Variants in BRAF observed in about 807,000 individuals in gnomAD.
The protein encoded by BRAF is serine/threonine-protein kinase B-raf.
In BRAF, 16 loss-of-function variants were observed where a neutral mutation model predicts 104.6. The ratio of observed to expected loss-of-function variants is 0.15; its 90% CI spans 0.10 to 0.23. The LOEUF (loss-of-function observed/expected upper bound fraction) is 0.23. BRAF is among the 10% of genes least tolerant of loss of function. The pLI, the probability that BRAF is intolerant of heterozygous loss-of-function variation, is 1.00. For synonymous variants in BRAF, 310 were observed against 341.6 expected (o/e 0.91, Z 1.02); for missense variants, 541 against 937.3 (o/e 0.58, Z 5.52).
chr7:140,915,747 T>C (rs1817556637), intron 1 of BRAF, among the ~76,000 whole-genome samples: 3 of 151,896 alleles, frequency 2.0e-5, no homozygotes, highest in Admixed American at 2.0e-4. Flanking sequence ...AATTAAAGTA[T>C]CTTTTAAAGA....
chr7:140,719,118 G>A (rs915340302), downstream of BRAF, among the ~76,000 whole-genome samples: 3 of 152,150 alleles, frequency 2.0e-5, no homozygotes, highest in East Asian at 1.9e-4. Context: ...CCTGACAAAC[G>A]ACTGTTGCCA....
intron 1 of BRAF, among the ~76,000 whole-genome samples, chr7:140,884,426 G>GTGT (rs1563015894): frequency 9.6e-6 from 1 of 104,578 alleles, no homozygotes; most frequent in African/African-American, 3.5e-5. Flanking sequence ...ATATATATAA[G>GTGT]ATATGTGTGT....
intron 17 of BRAF, among the ~76,000 whole-genome samples, chr7:140,743,945 T>G (rs1338488335): frequency 2.0e-5 from 3 of 152,238 alleles, no homozygotes; most frequent in Non-Finnish European, 4.4e-5. Flanking sequence ...CAAGTTACTA[T>G]GTAAATTTTG....
chr7:140,747,506 G>C, intron 17 of BRAF: 2 of 740,584 alleles, frequency 2.7e-6, no homozygotes, highest in Non-Finnish European at 4.0e-6. Flanking sequence ...CTGTATTTTG[G>C]AGATAATACT....
chr7:140,767,178 A>G (rs988665218), intron 14 of BRAF, among the ~76,000 whole-genome samples: 5 of 151,296 alleles, frequency 3.3e-5, no homozygotes, highest in African/African-American at 1.2e-4. Flanking sequence ...TAATTTTTGT[A>G]TTTTTTGGTA....
At chr7:140,787,455 C>G (rs1240432604) in intron 9 of BRAF, 93 bp downstream of exon 9, 1 of 1,343,970 alleles carries the variant, frequency 7.4e-7, no homozygotes, top group African/African-American at 1.5e-5. Flanking sequence ...TTCTCTGTGT[C>G]TGTTACTTGA....
intron 14 of BRAF, among the ~76,000 whole-genome samples, chr7:140,766,722 TG>T (rs561113800): frequency 1.3e-3 from 197 of 152,196 alleles, no homozygotes; most frequent in Non-Finnish European, 2.6e-4. Flanking sequence ...GGATAATTTT[TG>T]TATTTTTTGT....
chr7:140,880,898 G>A (rs1426488145), intron 1 of BRAF, among the ~76,000 whole-genome samples: 1 of 151,904 alleles, frequency 6.6e-6, no homozygotes, highest in Non-Finnish European at 1.5e-5. Flanking sequence ...TGAGCTCAGG[G>A]GTTCAAGGCT....
intron 3 of BRAF, among the ~76,000 whole-genome samples, chr7:140,824,622 G>C (rs2129056242): frequency 6.7e-6 from 1 of 150,300 alleles, no homozygotes; most frequent in Middle Eastern, 3.5e-3. Context: ...GATACGGTAT[G>C]AATTTTAGGA....
chr7:140,858,723 G>A (rs1263140599), intron 1 of BRAF, among the ~76,000 whole-genome samples: 2 of 151,860 alleles, frequency 1.3e-5, no homozygotes, highest in Non-Finnish European at 2.9e-5. Flanking sequence ...ATGATATTTT[G>A]GTTAAATGAA....
intron 15 of BRAF, chr7:140,753,805 T>C (rs1287163585): frequency 3.1e-6 from 1 of 317,582 alleles, no homozygotes; most frequent in Non-Finnish European, 5.9e-6. Context: ...ATATTATGTT[T>C]TTCTCACCTC....
At chr7:140,855,241 T>A (rs1809645209) in intron 1 of BRAF, among the ~76,000 whole-genome samples, 1 of 152,000 alleles carries the variant, frequency 6.6e-6, no homozygotes, top group South Asian at 2.1e-4. Flanking sequence ...TTAAAACATC[T>A]TCTTGGAAAA....
intron 16 of BRAF, among the ~76,000 whole-genome samples, chr7:140,752,274 C>T (rs1400664595): frequency 1.3e-5 from 2 of 152,140 alleles, no homozygotes; most frequent in South Asian, 2.1e-4. Flanking sequence ...TCAAGTGATC[C>T]TCCTGCCCTA....
At chr7:140,890,020 T>C (rs1432102254) in intron 1 of BRAF, among the ~76,000 whole-genome samples, 1 of 152,216 alleles carries the variant, frequency 6.6e-6, no homozygotes, top group Non-Finnish European at 1.5e-5. Flanking sequence ...TGAAGACTTA[T>C]GGTAAGGCAT....
At chr7:140,839,419 C>G (rs900695645) in intron 2 of BRAF, among the ~76,000 whole-genome samples, 4 of 152,216 alleles carry the variant, frequency 2.6e-5, no homozygotes, top group African/African-American at 9.6e-5. Context: ...TCCCCACTTC[C>G]TACTTAGCTC....
chr7:140,857,906 G>A lies in BRAF; in HGVS notation c.139-7694C>T, dbSNP rs528252737. Among the ~76,000 whole-genome samples, 20 of 152,216 alleles carry A rather than the reference G, an allele frequency of 1.3e-4. No homozygotes were observed. In the South Asian group the frequency reaches 1.5e-3, roughly 11 times the overall value. On this transcript the variant is annotated intron_variant, in intron 1 of 19. Transcript: ENST00000644969. ...TTCCATAAAAATTAAAAGGGTGGGAGAGCAGTTGCTCACACTGTAGGGGAT... is the reference window on the plus strand; with the variant it reads ...TTCCATAAAAATTAAAAGGGTGGGAAAGCAGTTGCTCACACTGTAGGGGAT...
chr7:140,813,675 T>C (rs558732052), intron 3 of BRAF, among the ~76,000 whole-genome samples: 1 of 152,256 alleles, frequency 6.6e-6, no homozygotes, highest in Admixed American at 6.5e-5. Flanking sequence ...GGAACTGTAG[T>C]TGTATATATA....
At chr7:140,748,900 G>T (rs766901310) in intron 17 of BRAF, 28 of 155,206 alleles carry the variant, frequency 1.8e-4, no homozygotes, top group Admixed American at 9.7e-4. Context: ...AATTTTAAAA[G>T]AATTTAATAT....
Position 140,763,983 on chromosome 7 carries a change from A to G in BRAF, c.1815-9750T>C, listed in dbSNP as rs565785972. ...TCATCCTGATACCAAAGCCAGGCAG[A>G]GACACAACCAAAAAAGAGAATTTTA... On this transcript the variant is annotated intron_variant, in intron 14 of 19. Coordinates refer to ENST00000644969, the MANE Select transcript of BRAF (RefSeq NM_001374258.1). 1.2e-3 allele frequency among the ~76,000 whole-genome samples: 188 copies of G among 152,336 alleles called. 1 individual carries two copies. Among genetic ancestry groups the G allele is most frequent in the African/African-American group, 4.1e-3 (169 of 41,570 alleles).
Sources: gnomAD v4.1 joint callset for allele counts (sites outside exome capture counted in the v4.1 genomes callset) on GRCh38, gnomAD v4.1.1 for gene constraint, MANE v1.5 for transcripts, NCBI Gene and HGNC (gene_info 2026-07-23, HGNC 2026-07-21) for gene names.